Variants in XPNPEP1 observed in about 807,000 individuals in gnomAD.
XPNPEP1 encodes the protein X-prolyl aminopeptidase 1.
In XPNPEP1, 39 loss-of-function variants were observed where a neutral mutation model predicts 92.4. That is an observed-to-expected ratio of 0.42 (90% confidence interval 0.33 to 0.55). The LOEUF (loss-of-function observed/expected upper bound fraction) is 0.55. Among genes scored for constraint, XPNPEP1 ranks in the 20% least tolerant of loss-of-function variants. The pLI, the probability that XPNPEP1 is intolerant of heterozygous loss-of-function variation, is 0.08. For synonymous variants in XPNPEP1, 307 were observed against 299.4 expected (o/e 1.03, Z -0.26); for missense variants, 654 against 856.1 (o/e 0.76, Z 2.95).
intron 2 of XPNPEP1, among the ~76,000 whole-genome samples, chr10:109,909,496 T>C (rs1255029290): frequency 6.6e-6 from 1 of 152,238 alleles, no homozygotes; most frequent in Non-Finnish European, 1.5e-5. Context: ...CATCTATATC[T>C]ATAGTCAGGA....
intron 11 of XPNPEP1, 115 bp from the exon 12 acceptor site, chr10:109,880,353 C>T: frequency 9.5e-7 from 1 of 1,049,096 alleles, no homozygotes; most frequent in Non-Finnish European, 1.5e-6. Context: ...CACACATCAT[C>T]AGCAACCAGA....
chr10:109,871,101 C>A, intron 17 of XPNPEP1, 197 bp from the exon 18 acceptor site: 1 of 556,626 alleles, frequency 1.8e-6, no homozygotes, highest in Non-Finnish European at 3.0e-6. Flanking sequence ...TGAAGCTAGG[C>A]GATCATCCAT....
chr10:109,878,754 T>G (rs546852501), intron 12 of XPNPEP1, among the ~76,000 whole-genome samples: 35 of 151,956 alleles, frequency 2.3e-4, no homozygotes, highest in African/African-American at 7.0e-4. Context: ...AGGTGGGCTG[T>G]AGTCCCAACT....
chr10:109,899,409 T>A (rs1420218149), intron 3 of XPNPEP1, among the ~76,000 whole-genome samples: 3 of 152,138 alleles, frequency 2.0e-5, no homozygotes, highest in Non-Finnish European at 4.4e-5. Flanking sequence ...AGAGCCTAGA[T>A]CCCTGAATCA....
intron 1 of XPNPEP1, 26 bp from the exon 2 acceptor site, chr10:109,915,125 T>G (rs767435684): frequency 6.9e-7 from 1 of 1,446,634 alleles, no homozygotes; most frequent in East Asian, 2.6e-5. Flanking sequence ...AACAGGAAGT[T>G]GCAGACTTTG....
intron 12 of XPNPEP1, 141 bp from the exon 13 acceptor site, chr10:109,878,199 A>G (rs1248867273): frequency 2.4e-6 from 2 of 824,328 alleles, no homozygotes; most frequent in Non-Finnish European, 3.9e-6. Flanking sequence ...CATCTTTAGC[A>G]AGGGAGAACT....
intron 3 of XPNPEP1, among the ~76,000 whole-genome samples, chr10:109,902,063 G>A (rs1348269210): frequency 1.3e-5 from 2 of 152,148 alleles, no homozygotes; most frequent in African/African-American, 4.8e-5. Context: ...ATTCTACTTA[G>A]ACAGTGCTAA....
At chr10:109,869,035 A>C (rs1357040945) in intron 19 of XPNPEP1, among the ~76,000 whole-genome samples, 1 of 152,182 alleles carries the variant, frequency 6.6e-6, no homozygotes, top group African/African-American at 2.4e-5. Context: ...GCTTAGGGGC[A>C]TCTCTGGTTT....
intron 3 of XPNPEP1, among the ~76,000 whole-genome samples, chr10:109,900,417 G>C (rs898822699): frequency 1.3e-5 from 2 of 152,114 alleles, no homozygotes; most frequent in Non-Finnish European, 2.9e-5. Context: ...ATCACAGCAA[G>C]GATCCAGAGT....
chr10:109,897,968 C>T lies in XPNPEP1; in HGVS notation c.247-4893G>A, dbSNP rs578106740. 3.9e-5 allele frequency among the ~76,000 whole-genome samples: 6 copies of T among 152,272 alleles called. No individual in the cohort carries two copies. The East Asian group carries it at 7.7e-4, about 20-fold the overall frequency. ...TGCACCCAGCCTCAGGTCTGACTTT[C>T]GAAAGCCCATACCCTTGCAAGCTGC... is the stretch of plus-strand genomic sequence containing the variant. On this transcript the variant is annotated intron_variant, in intron 3 of 20. Coordinates refer to ENST00000502935, the MANE Select transcript of XPNPEP1 (RefSeq NM_020383.4).
At position 109,882,655 on chromosome 10, in the gene XPNPEP1, G is replaced by A. The variant is rs780944383; in HGVS notation, c.831-13C>T. ...ATCAATGAAGAGCCTGCAGATGGAG[G>A]AGAGGTGGGTGGCAGAAAAAGGAGG... On this transcript the variant is annotated splice_polypyrimidine_tract_variant and intron_variant, in intron 9 of 20. Coordinates refer to ENST00000502935, the MANE Select transcript of XPNPEP1 (RefSeq NM_020383.4). The A allele has an allele frequency of 6.6e-5, 106 of 1,613,724 alleles. No individual in the cohort carries two copies. Among genetic ancestry groups the A allele is most frequent in the Non-Finnish European group, 8.7e-5 (103 of 1,179,724 alleles).
chr10:109,878,863 G>A (rs1226496594), intron 12 of XPNPEP1, among the ~76,000 whole-genome samples: 4 of 150,438 alleles, frequency 2.7e-5, no homozygotes, highest in African/African-American at 9.8e-5. Flanking sequence ...TGCAACAGAT[G>A]AGACCCCATC....
chr10:109,888,474 C>T (rs1433268688), intron 6 of XPNPEP1, 29 bp downstream of exon 6: 2 of 1,583,508 alleles, frequency 1.3e-6, no homozygotes, highest in South Asian at 1.2e-5. Flanking sequence ...ACTTCCTTAC[C>T]CAAGCAGAAA....
At chr10:109,880,141 G>C in intron 12 of XPNPEP1, 47 bp downstream of exon 12, 1 of 1,575,618 alleles carries the variant, frequency 6.3e-7, no homozygotes, top group Non-Finnish European at 8.7e-7. Flanking sequence ...ATATAGGTAG[G>C]TCTGAATAAT....
chr10:109,883,227 T>C (rs1177991978), intron 9 of XPNPEP1, among the ~76,000 whole-genome samples: 4 of 152,092 alleles, frequency 2.6e-5, no homozygotes, highest in Admixed American at 2.6e-4. Flanking sequence ...ACTGAACCAC[T>C]TCAGGTCCTC....
intron 1 of XPNPEP1, 143 bp from the exon 2 acceptor site, chr10:109,915,242 A>C: frequency 2.3e-6 from 1 of 427,832 alleles, no homozygotes; most frequent in East Asian, 3.5e-5. Context: ...TGGCAGAATA[A>C]ATAAAAGTTT....
intron 3 of XPNPEP1, among the ~76,000 whole-genome samples, chr10:109,896,848 A>G (rs1384918293): frequency 6.6e-6 from 1 of 152,196 alleles, no homozygotes; most frequent in Non-Finnish European, 1.5e-5. Flanking sequence ...AGAAACTGGA[A>G]AAGGCAAGGA....
chr10:109,882,527 T>G lies in XPNPEP1; in HGVS notation c.946A>C (p.Ser316Arg). 6.2e-7 allele frequency: 1 copy of G among 1,614,160 alleles called. No homozygotes were observed. Among genetic ancestry groups the G allele is most frequent in the Non-Finnish European group, 8.5e-7 (1 of 1,180,038 alleles). Reference sequence around the variant, plus strand: ...TCAGCACACAGGGCCTTGAGCTCGCTCAGGATGGACTTGTAGGGATGCACC... The same window carrying G: ...TCAGCACACAGGGCCTTGAGCTCGCGCAGGATGGACTTGTAGGGATGCACC... The part of the protein sequence containing the change: ...IQVHPYKSIL[S>R]ELKALCADLS... Residue 316 changes from serine to arginine, a missense_variant, in exon 10 of 21, where the codon AGC (serine) becomes CGC (arginine). Transcript: ENST00000502935.
intron 7 of XPNPEP1, 91 bp from the exon 8 acceptor site, chr10:109,886,432 A>G: frequency 1.7e-6 from 2 of 1,199,856 alleles, no homozygotes; most frequent in South Asian, 1.3e-5. Flanking sequence ...ATCTTTAATC[A>G]GCACCATTTC....
Sources: gnomAD v4.1 joint callset for allele counts (sites outside exome capture counted in the v4.1 genomes callset) on GRCh38, gnomAD v4.1.1 for gene constraint, MANE v1.5 for transcripts, NCBI Gene and HGNC (gene_info 2026-07-23, HGNC 2026-07-21) for gene names.